CLCC1: variants seen among roughly 807,000 people sequenced by gnomAD.
CLCC1 encodes the protein chloride channel CLIC like 1, also known as chloride channel CLIC-like protein 1.
Under a neutral mutation model 63.3 loss-of-function variants are expected in CLCC1, and 39 were observed. That is an observed-to-expected ratio of 0.62 (90% CI 0.48 to 0.81). The LOEUF is 0.81. Ranked by LOEUF, CLCC1 falls within the 30% of genes least tolerant of loss-of-function variation. The pLI, the probability that CLCC1 is intolerant of heterozygous loss-of-function variation, is 0.00. For synonymous variants in CLCC1, 217 were observed against 239.8 expected (o/e 0.90, Z 0.88); for missense variants, 549 against 669.4 (o/e 0.82, Z 1.98).
At chr1:108,933,642 G>A (rs1652372029) in intron 12 of CLCC1, 1 of 152,210 alleles carries the variant, frequency 6.6e-6, no homozygotes, top group Non-Finnish European at 1.5e-5. Context: ...TAAAACAAAG[G>A]ACACCTGATG....
At chr1:108,938,819 G>A (rs1231956837) in intron 10 of CLCC1, among the ~76,000 whole-genome samples, 1 of 152,118 alleles carries the variant, frequency 6.6e-6, no homozygotes, top group Non-Finnish European at 1.5e-5. Context: ...CCTATTTCCT[G>A]TGTATTAATT....
Position 108,930,097 on chromosome 1 carries a change from ACTTCTCTG to A in CLCC1, c.*2442_*2449del. The A allele has an allele frequency of 2.9e-6, 2 of 691,252 alleles. No homozygotes were observed. The highest frequency in any genetic ancestry group is 4.8e-6 in the Non-Finnish European group (2 of 417,264). The allele number at this position is 691,252 out of a possible 1,614,324, so 42.8% of individuals were successfully genotyped here. On this transcript the variant is annotated 3_prime_UTR_variant, in exon 13 of 13. Coordinates refer to ENST00000369969, the MANE Select transcript of CLCC1 (RefSeq NM_001377458.1). ...TTCAGTAGTCTATTAAGGCATTAATACTTCTCTGGACATGCGCGTTTGAGGGTGGAGGG... is the reference window on the plus strand; with the variant it reads ...TTCAGTAGTCTATTAAGGCATTAATAGACATGCGCGTTTGAGGGTGGAGGG...
intron 9 of CLCC1, 102 bp downstream of exon 9, chr1:108,939,943 G>A (rs923711900): frequency 8.7e-6 from 11 of 1,266,424 alleles, no homozygotes; most frequent in East Asian, 2.4e-5. Flanking sequence ...ATTTTTTCTT[G>A]GACAAACGCT....
chr1:108,949,772 G>T, intron 4 of CLCC1, 48 bp downstream of exon 4: 1 of 948,266 alleles, frequency 1.1e-6, no homozygotes, highest in Non-Finnish European at 1.6e-6. Context: ...AATATAGAGC[G>T]ATTTAACATA....
At chr1:108,944,599 A>G (rs1434278216) in intron 5 of CLCC1, among the ~76,000 whole-genome samples, 1 of 152,134 alleles carries the variant, frequency 6.6e-6, no homozygotes, top group Non-Finnish European at 1.5e-5. Flanking sequence ...TTTCACTAAA[A>G]TACAGTTGAT....
intron 1 of CLCC1, among the ~76,000 whole-genome samples, chr1:108,962,685 A>G (rs1463295115): frequency 6.6e-6 from 1 of 152,166 alleles, no homozygotes; most frequent in Non-Finnish European, 1.5e-5. Flanking sequence ...CCTGGACAAC[A>G]CAGGGAGACC....
intron 2 of CLCC1, among the ~76,000 whole-genome samples, chr1:108,957,859 T>C (rs1394974398): frequency 6.6e-6 from 1 of 151,314 alleles, no homozygotes; most frequent in Non-Finnish European, 1.5e-5. Context: ...TTAAAAGAGA[T>C]GATCTGGGTA....
chr1:108,954,472 C>T (rs1195238213), intron 2 of CLCC1, among the ~76,000 whole-genome samples: 1 of 151,090 alleles, frequency 6.6e-6, no homozygotes, highest in Non-Finnish European at 1.5e-5. Context: ...TTCACTCCAG[C>T]CTAGGTGAAA....
intron 12 of CLCC1, chr1:108,932,772 CTG>C (rs1652227136): frequency 6.6e-6 from 1 of 152,194 alleles, no homozygotes; most frequent in Admixed American, 6.5e-5. Flanking sequence ...CTGCAGGTGT[CTG>C]TCAGGATTCA....
At chr1:108,932,661 G>C (rs1652206090) in intron 12 of CLCC1, 160 bp from the exon 13 acceptor site, 1 of 152,220 alleles carries the variant, frequency 6.6e-6, no homozygotes, top group African/African-American at 2.4e-5. Flanking sequence ...CAGTTCAAAA[G>C]ACAGCTCTCA....
At chr1:108,955,573 A>G (rs913379282) in intron 2 of CLCC1, among the ~76,000 whole-genome samples, 3 of 151,476 alleles carry the variant, frequency 2.0e-5, no homozygotes, top group African/African-American at 7.4e-5. Flanking sequence ...GACTGGACTA[A>G]GGAAAACCTA....
rs79007008 is a variant in CLCC1 at position 108,955,616 on chromosome 1, G to A, written c.-11-5168C>T. On this transcript the variant is annotated intron_variant, in intron 2 of 12. Transcript: ENST00000369969. The stretch of plus-strand genomic sequence containing the variant: ...GCAAAGCATTCCTTCTGATGTGTCT[G>A]AAGGGGTTTCCAGGGAAGACTGGTT... 8.4e-3 allele frequency among the ~76,000 whole-genome samples: 1,271 copies of A among 151,676 alleles called. 32 individuals carry two copies. Among genetic ancestry groups the A allele is most frequent in the Middle Eastern group, 0.051 (15 of 294 alleles).
intron 10 of CLCC1, among the ~76,000 whole-genome samples, chr1:108,939,405 CA>C (rs11291322): frequency 0.014 from 2,053 of 150,246 alleles, 55 homozygotes; most frequent in African/African-American, 0.047. Context: ...CTCCCAGGTT[CA>C]CCCCGTTCTC....
chr1:108,953,459 A>G (rs956457347), intron 2 of CLCC1, among the ~76,000 whole-genome samples: 4 of 152,284 alleles, frequency 2.6e-5, no homozygotes, highest in African/African-American at 9.6e-5. Flanking sequence ...GATCTTTTTA[A>G]GCTCCCCAAG....
At chr1:108,933,621 G>T (rs1449004174) in intron 12 of CLCC1, 1 of 152,254 alleles carries the variant, frequency 6.6e-6, no homozygotes, top group Non-Finnish European at 1.5e-5. Flanking sequence ...AACTTGTAGT[G>T]TGAATATGGT....
Position 108,929,952 on chromosome 1 carries a change from TTA to T in CLCC1, c.*2593_*2594del. 6 of 1,610,352 alleles carry T rather than the reference TTA, an allele frequency of 3.7e-6. No homozygotes were observed. The African/African-American group carries it at 6.7e-5, about 18-fold the overall frequency. Reference sequence around the variant, plus strand: ...CGGCAGACCATTAGTTACTATGGATTTATTTTTTTTCCTTTCAAACACGGTAA... The same window carrying T: ...CGGCAGACCATTAGTTACTATGGATTTTTTTTTTCCTTTCAAACACGGTAA... On this transcript the variant is annotated 3_prime_UTR_variant, in exon 13 of 13. Coordinates refer to ENST00000369969, the MANE Select transcript of CLCC1 (RefSeq NM_001377458.1).
At chr1:108,941,228 C>G (rs938663183) in intron 8 of CLCC1, among the ~76,000 whole-genome samples, 177 bp downstream of exon 8, 1 of 152,174 alleles carries the variant, frequency 6.6e-6, no homozygotes, top group Non-Finnish European at 1.5e-5. Flanking sequence ...TTCCCTGTGA[C>G]TTTAGATGAG....
chr1:108,945,955 G>C (rs1326492610), intron 5 of CLCC1, among the ~76,000 whole-genome samples: 1 of 152,048 alleles, frequency 6.6e-6, no homozygotes, highest in South Asian at 2.1e-4. Context: ...TTGAGGTCAG[G>C]AGTTTGAGAC....
At chr1:108,940,669 G>GA (rs1284817202) in intron 8 of CLCC1, among the ~76,000 whole-genome samples, 1 of 152,176 alleles carries the variant, frequency 6.6e-6, no homozygotes, top group Non-Finnish European at 1.5e-5. Context: ...AAATAAAGTG[G>GA]AATATTAGTT....
Sources: gnomAD v4.1 joint callset for allele counts (sites outside exome capture counted in the v4.1 genomes callset) on GRCh38, gnomAD v4.1.1 for gene constraint, MANE v1.5 for transcripts, NCBI Gene and HGNC (gene_info 2026-07-23, HGNC 2026-07-21) for gene names.